CNR2: variants seen among roughly 807,000 people sequenced by gnomAD.
CNR2 encodes the protein cannabinoid receptor 2.
For missense variants in CNR2, 379 were observed against 439.9 expected (o/e 0.86, Z 1.24); for synonymous variants, 172 against 182.2 (o/e 0.94, Z 0.45).
At chr1:23,883,531 A>G (rs1640029070) in intron 1 of CNR2, among the ~76,000 whole-genome samples, 1 of 152,238 alleles carries the variant, frequency 6.6e-6, no homozygotes, top group African/African-American at 2.4e-5. Context: ...ATGAATCTTA[A>G]AAACAGTGTT....
intron 1 of CNR2, among the ~76,000 whole-genome samples, chr1:23,888,118 G>A (rs1270198214): frequency 5.3e-5 from 8 of 152,168 alleles, no homozygotes; most frequent in Non-Finnish European, 1.2e-4. Context: ...AAGGGGACTC[G>A]TTTTCTTTGT....
Position 23,873,198 on chromosome 1 carries a change from C to A in CNR2, c.*1337G>T, listed in dbSNP as rs946692035. 1 of 152,122 alleles carries A rather than the reference C, an allele frequency of 6.6e-6. No individual in the cohort carries two copies. The highest frequency in any genetic ancestry group is 2.4e-5 in the African/African-American group (1 of 41,414). 9.4% of individuals were successfully genotyped at this position (152,122 alleles called of 1,614,324 possible). On this transcript the variant is annotated 3_prime_UTR_variant, in exon 2 of 2. Transcript: ENST00000374472. Reference sequence around the variant, plus strand: ...CTGTTTTAGGCTCCTCTGGGAGGAACCCAGCCTCCCTCATATGAAAAATGA... The same window carrying A: ...CTGTTTTAGGCTCCTCTGGGAGGAAACCAGCCTCCCTCATATGAAAAATGA...
chr1:23,912,495 T>A (rs1570727578), intron 1 of CNR2, among the ~76,000 whole-genome samples: 1 of 152,174 alleles, frequency 6.6e-6, no homozygotes, highest in South Asian at 2.1e-4. Context: ...GAAGCCGGAG[T>A]GCCTAGGCTC....
chr1:23,890,054 G>A (rs998341623), intron 1 of CNR2, among the ~76,000 whole-genome samples: 2 of 151,900 alleles, frequency 1.3e-5, no homozygotes, highest in Non-Finnish European at 2.9e-5. Context: ...TGGATTATTT[G>A]AGCCCAGGAA....
intron 1 of CNR2, chr1:23,901,443 C>G: frequency 2.0e-6 from 3 of 1,526,358 alleles, no homozygotes; most frequent in Non-Finnish European, 2.6e-6. Flanking sequence ...CATCCACTCG[C>G]CGACCTGCTG....
intron 1 of CNR2, among the ~76,000 whole-genome samples, chr1:23,904,979 T>C (rs547189691): frequency 6.6e-6 from 1 of 152,198 alleles, no homozygotes; most frequent in Non-Finnish European, 1.5e-5. Flanking sequence ...GGTTTGCTTA[T>C]AGGGTTGCAT....
intron 1 of CNR2, among the ~76,000 whole-genome samples, chr1:23,888,276 G>C (rs916188595): frequency 6.6e-6 from 1 of 152,202 alleles, no homozygotes; most frequent in African/African-American, 2.4e-5. Context: ...GAGTGTTCTA[G>C]TTCCACCTCC....
chr1:23,876,448 C>A (rs1639876173), intron 1 of CNR2, among the ~76,000 whole-genome samples: 1 of 151,736 alleles, frequency 6.6e-6, no homozygotes, highest in Non-Finnish European at 1.5e-5. Context: ...GGTGATCCAC[C>A]CACCTCAGCC....
intron 1 of CNR2, among the ~76,000 whole-genome samples, chr1:23,887,140 G>A (rs1445147012): frequency 6.6e-6 from 1 of 152,188 alleles, no homozygotes; most frequent in African/African-American, 2.4e-5. Flanking sequence ...GTTGAGTGTT[G>A]TCAAGGTCAC....
intron 1 of CNR2, among the ~76,000 whole-genome samples, chr1:23,891,378 G>C: frequency 6.6e-6 from 1 of 151,588 alleles, no homozygotes. Context: ...CAGCACTTTG[G>C]GAGGCTAAGG....
chr1:23,903,404 G>A (rs1277304625), intron 1 of CNR2, among the ~76,000 whole-genome samples: 5 of 151,214 alleles, frequency 3.3e-5, no homozygotes, highest in African/African-American at 1.2e-4. Flanking sequence ...GGAAGACCCC[G>A]CCTCTACAAA....
chr1:23,892,437 T>C (rs1640206796), intron 1 of CNR2, among the ~76,000 whole-genome samples: 1 of 152,210 alleles, frequency 6.6e-6, no homozygotes. Context: ...GCACCTCAAC[T>C]GGCATGAAGC....
intron 1 of CNR2, among the ~76,000 whole-genome samples, chr1:23,879,563 T>C (rs2501370): frequency 0.64 from 96,710 of 151,676 alleles, 31,301 homozygotes; most frequent in African/African-American, 0.77. Context: ...CAGTGATCTA[T>C]GATTGTGCCA....
chr1:23,877,025 T>C (rs1212119859), intron 1 of CNR2, among the ~76,000 whole-genome samples: 3 of 152,086 alleles, frequency 2.0e-5, no homozygotes, highest in East Asian at 3.9e-4. Context: ...ATACCACATA[T>C]AAAGGCCCGT....
At chr1:23,901,038 T>C (rs1201421447) in intron 1 of CNR2, among the ~76,000 whole-genome samples, 1 of 6,306 alleles carries the variant, frequency 1.6e-4, no homozygotes, top group Non-Finnish European at 2.5e-3. Context: ...CAGTAACTCT[T>C]TCTTTTTTTA....
chr1:23,903,079 G>GGGCGGC (rs57812017), intron 1 of CNR2, among the ~76,000 whole-genome samples: 54 of 150,570 alleles, frequency 3.6e-4, no homozygotes, highest in Admixed American at 1.6e-3. Context: ...CACCATTCAT[G>GGGCGGC]GGCGGCGGCG....
At chr1:23,902,411 G>T (rs1640415733) in intron 1 of CNR2, 3 of 1,586,248 alleles carry the variant, frequency 1.9e-6, no homozygotes, top group Non-Finnish European at 8.6e-7. Context: ...GAAAGTTGAC[G>T]CAGGCTTTTG....
intron 1 of CNR2, chr1:23,902,286 A>G: frequency 1.3e-6 from 2 of 1,485,760 alleles, no homozygotes; most frequent in South Asian, 1.2e-5. Flanking sequence ...CCGCAGGGCC[A>G]TCTCGGCCTG....
chr1:23,907,163 G>C (rs980318580), intron 1 of CNR2: 2 of 152,074 alleles, frequency 1.3e-5, no homozygotes, highest in Non-Finnish European at 2.9e-5. Flanking sequence ...AGGAGAGCAA[G>C]GTGGGCGGAT....
Sources: gnomAD v4.1 joint callset for allele counts (sites outside exome capture counted in the v4.1 genomes callset) on GRCh38, gnomAD v4.1.1 for gene constraint, MANE v1.5 for transcripts, NCBI Gene and HGNC (gene_info 2026-07-23, HGNC 2026-07-21) for gene names.